Variants in HEYL observed in about 807,000 individuals in gnomAD.
The protein encoded by HEYL is hes related family bHLH transcription factor with YRPW motif like, also known as hairy/enhancer-of-split related with YRPW motif-like protein.
A neutral mutation model predicts 18.6 loss-of-function variants in HEYL; 12 were observed. That is an observed-to-expected ratio of 0.65 (90% confidence interval 0.41 to 1.05). The LOEUF is 1.05. Ranked by LOEUF, HEYL falls within the 50% of genes least tolerant of loss-of-function variation. The pLI is 0.00. For missense variants in HEYL, 420 were observed against 444.7 expected, an observed-to-expected ratio of 0.94 and a Z score of 0.50; for synonymous variants, 159 against 179.6, an observed-to-expected ratio of 0.89 and a Z score of 0.91.
In HEYL at chr1:39,623,661, G is replaced by C. The variant is rs1415086988; in HGVS notation, c.*2846C>G. On this transcript the variant is annotated 3_prime_UTR_variant, in exon 5 of 5. Transcript: ENST00000372852. ...GCCTTGTGATAGAGGAACTCCACAAGTAAAGTAGTCGAGGAAGGCCTCTTG... is the reference window on the plus strand; with the variant it reads ...GCCTTGTGATAGAGGAACTCCACAACTAAAGTAGTCGAGGAAGGCCTCTTG... 6.6e-6 allele frequency among the ~76,000 whole-genome samples: 1 copy of C among 152,244 alleles called. No individual in the cohort carries two copies. The highest frequency in any genetic ancestry group is 2.4e-5 in the African/African-American group (1 of 41,470).
intron 1 of HEYL, chr1:39,633,125 G>A (rs894989781): frequency 1.8e-5 from 18 of 983,970 alleles, no homozygotes; most frequent in Non-Finnish European, 2.2e-5. Context: ...AAGAGCAGAT[G>A]CCGCTGCTTC....
At position 39,631,539 on chromosome 1, in the gene HEYL, A is replaced by G. The variant is rs918891288; in HGVS notation, c.188T>C (p.Leu63Pro). The change falls in exon 3 of 5, where the codon CTT becomes CCT. Residue 63 changes from leucine (L) to proline (P), a missense_variant. By Grantham distance (98) the Leu-to-Pro change is moderately conservative. Coordinates refer to ENST00000372852, the MANE Select transcript of HEYL (RefSeq NM_014571.4). ...KRRRDRINSS[L>P]SELRRLVPTA... The stretch of plus-strand genomic sequence containing the variant: ...GGGGACCAAGCGTCGCAATTCAGAA[A>G]GGCTACTGTTGATGCGGTCTCGACG... 5.2e-5 allele frequency: 84 copies of G among 1,614,124 alleles called. No homozygotes were observed. Among genetic ancestry groups the G allele is most frequent in the Non-Finnish European group, 7.0e-5 (83 of 1,180,058 alleles).
intron 4 of HEYL, 137 bp downstream of exon 4, chr1:39,630,090 C>G: frequency 1.4e-6 from 1 of 715,924 alleles, no homozygotes; most frequent in East Asian, 2.6e-5. Context: ...GAGAGAGAAG[C>G]TTTGCAAATG....
intron 1 of HEYL, among the ~76,000 whole-genome samples, chr1:39,636,272 T>C (rs1646362223): frequency 6.6e-6 from 1 of 151,512 alleles, no homozygotes; most frequent in South Asian, 2.1e-4. Context: ...TTTTTTTTTT[T>C]CTTTTCTTTT....
intron 4 of HEYL, among the ~76,000 whole-genome samples, chr1:39,629,765 TCCTGAGACCTGTGGTGAGCATGA>T (rs1646322130): frequency 6.6e-6 from 1 of 152,204 alleles, no homozygotes; most frequent in African/African-American, 2.4e-5. Context: ...CCTGCTACAA[TCCTGAGACCTGTGGTGAGCATGA>T]TATGTCACCC....
intron 1 of HEYL, 30 bp from the exon 2 acceptor site, chr1:39,632,745 A>G: frequency 6.2e-7 from 1 of 1,612,868 alleles, no homozygotes; most frequent in South Asian, 1.1e-5. Context: ...CTGATTTTTC[A>G]GGGCTGGGGG....
intron 1 of HEYL, among the ~76,000 whole-genome samples, chr1:39,636,672 A>T (rs1646363646): frequency 6.6e-6 from 1 of 152,150 alleles, no homozygotes; most frequent in Non-Finnish European, 1.5e-5. Flanking sequence ...GCACTTCCAC[A>T]TCCATTTGTC....
At position 39,630,236 on chromosome 1, in the gene HEYL, C is replaced by A. The variant is rs375912663; in HGVS notation, c.304G>T (p.Gly102Cys). ...VDHLKMLHAT[G>C]GTGFFDARAL... ...AGAAGAGCATGGGTACCTGTCCCAC[C>A]AGTGGCATGGAGCATTTTCAAGTGA... The change falls in exon 4 of 5, where the codon GGT becomes TGT. Residue 102 changes from glycine to cysteine, a missense_variant. Transcript: ENST00000372852. 14 of 1,613,766 alleles carry A rather than the reference C, an allele frequency of 8.7e-6. No homozygotes were observed. The African/African-American group carries it at 1.9e-4, about 22-fold the overall frequency.
intron 1 of HEYL, among the ~76,000 whole-genome samples, chr1:39,639,272 A>G (rs544758243): frequency 1.3e-5 from 2 of 152,302 alleles, no homozygotes; most frequent in African/African-American, 4.8e-5. Flanking sequence ...CAGATAGATG[A>G]TAACCCACTA....
At chr1:39,631,689 C>A in intron 2 of HEYL, 110 bp from the exon 3 acceptor site, 1 of 823,186 alleles carries the variant, frequency 1.2e-6, no homozygotes, top group South Asian at 1.5e-5. Context: ...TGAGGGAGAT[C>A]AATCTAGTCT....
At chr1:39,627,502 A>G (rs1286283321) in intron 4 of HEYL, among the ~76,000 whole-genome samples, 1 of 152,286 alleles carries the variant, frequency 6.6e-6, no homozygotes, top group Non-Finnish European at 1.5e-5. Flanking sequence ...ATTGAAGTAG[A>G]TACTTGACAG....
Position 39,627,013 on chromosome 1 carries a change from C to G in HEYL, c.481G>C (p.Glu161Gln). The change falls in exon 5 of 5, where the codon GAG becomes CAG. Residue 161 changes from glutamate (E) to glutamine (Q), a missense_variant. Glu to Gln is a conservative substitution (Grantham distance 29). Transcript: ENST00000372852. ...SHLNSYAAEM[E>Q]PSPTPTGPLA... ...GGGCCAGTGGGCGTGGGCGAAGGCT[C>G]CATCTCGGCTGCGTAGCTGTTGAGG... The G allele has an allele frequency of 6.2e-7, 1 of 1,614,158 alleles. No homozygotes were observed.
chr1:39,624,075 G>A lies in HEYL; in HGVS notation c.*2432C>T, dbSNP rs529043487. ...GCAGTGATCTGGGGGAGGTGATGTG[G>A]CCTGGCCAGGATGGCTGTGGGTGCA... On this transcript the variant is annotated 3_prime_UTR_variant, in exon 5 of 5. Coordinates refer to ENST00000372852, the MANE Select transcript of HEYL (RefSeq NM_014571.4). 2 of 152,414 alleles carry A rather than the reference G, an allele frequency of 1.3e-5. No homozygotes were observed. Among genetic ancestry groups the A allele is most frequent in the South Asian group, 2.1e-4 (1 of 4,832 alleles). The allele number at this position is 152,414 out of a possible 1,614,324, so 9.4% of individuals were successfully genotyped here. A position where few individuals can be genotyped will look rare whatever the true frequency, so the allele number is the denominator to read the frequency against.
chr1:39,634,966 G>A (rs578028801), intron 1 of HEYL, among the ~76,000 whole-genome samples: 1 of 152,300 alleles, frequency 6.6e-6, no homozygotes, highest in African/African-American at 2.4e-5. Context: ...GGACTTTGTG[G>A]AATGGGGGCG....
chr1:39,629,265 AC>A (rs1219021369), intron 4 of HEYL, among the ~76,000 whole-genome samples: 3 of 152,242 alleles, frequency 2.0e-5, no homozygotes, highest in Non-Finnish European at 4.4e-5. Flanking sequence ...TCACTGGATA[AC>A]CATAAATGTA....
chr1:39,631,377 G>C, intron 3 of HEYL, 119 bp downstream of exon 3: 2 of 801,834 alleles, frequency 2.5e-6, no homozygotes, highest in Non-Finnish European at 4.3e-6. Context: ...GACAGATATT[G>C]GTAAATGATC....
intron 1 of HEYL, among the ~76,000 whole-genome samples, chr1:39,638,847 T>C (rs937554393): frequency 1.3e-5 from 2 of 152,222 alleles, no homozygotes; most frequent in African/African-American, 4.8e-5. Flanking sequence ...AACTGAAGCT[T>C]AGACAGTTTA....
rs563966276 is a variant in HEYL at position 39,639,602 on chromosome 1, G to A, written c.24C>T (p.Ser8=). Residue 8 remains serine (S), a synonymous_variant, in exon 1 of 5, where the codon AGC becomes AGT. Coordinates refer to ENST00000372852, the MANE Select transcript of HEYL (RefSeq NM_014571.4). MKRPKEP[S]GSDGESDGPI... is the part of the protein sequence containing the mutation. ...GTCCGTCGGACTCCCCGTCGGAGCC[G>A]CTCGGCTCCTTGGGTCGCTTCATGG... The A allele has an allele frequency of 6.3e-7, 1 of 1,574,848 alleles. No homozygotes were observed. The highest frequency in any genetic ancestry group is 1.2e-5 in the South Asian group (1 of 86,798).
intron 1 of HEYL, among the ~76,000 whole-genome samples, chr1:39,636,413 C>T (rs1317909093): frequency 6.6e-6 from 1 of 152,106 alleles, no homozygotes; most frequent in Non-Finnish European, 1.5e-5. Context: ...ACTACAGGCA[C>T]GTGTCACCAT....
Sources: gnomAD v4.1 joint callset for allele counts (sites outside exome capture counted in the v4.1 genomes callset) on GRCh38, gnomAD v4.1.1 for gene constraint, MANE v1.5 for transcripts, NCBI Gene and HGNC (gene_info 2026-07-23, HGNC 2026-07-21) for gene names.